Variants in CADPS observed in about 807,000 individuals in gnomAD.
CADPS encodes calcium dependent secretion activator.
A neutral mutation model predicts 167.3 loss-of-function variants in CADPS; 57 were observed. The ratio of observed to expected loss-of-function variants is 0.34; its 90% CI spans 0.28 to 0.42. CADPS has a LOEUF of 0.42. Ranked by LOEUF, CADPS falls within the 20% of genes least tolerant of loss-of-function variation. CADPS has a pLI of 1.00. For synonymous variants in CADPS, 676 were observed against 635.3 expected, an observed-to-expected ratio of 1.06 and a Z score of -0.96; for missense variants, 1,414 against 1,738.1, an observed-to-expected ratio of 0.81 and a Z score of 3.32.
chr3:62,478,320 C>T lies in CADPS; in HGVS notation c.3270G>A (p.Lys1090=). 1 of 1,613,904 alleles carries T rather than the reference C, an allele frequency of 6.2e-7. No individual in the cohort carries two copies. The highest frequency in any genetic ancestry group is 8.5e-7 in the Non-Finnish European group (1 of 1,179,826). ...TCAACTTCAGCCGTTGTTCCAGGTG[C>T]TTTCCAAACTCTTCTTCAGGCCAGT... is the stretch of plus-strand genomic sequence containing the variant. ...DLHWPEEEFG[K]HLEQRLKLMA... The change falls in exon 23 of 30, where the codon AAG becomes AAA. Residue 1090 remains lysine (K), a synonymous_variant. Transcript: ENST00000383710. This position sits in a 1 kb window ranked among gnomAD's most constrained non-coding sequence, Gnocchi z 5.7.
intron 3 of CADPS, among the ~76,000 whole-genome samples, chr3:62,723,567 CA>C (rs1183445987): frequency 1.3e-5 from 2 of 152,034 alleles, no homozygotes; most frequent in African/African-American, 2.4e-5. Flanking sequence ...AGATGTTTAT[CA>C]GGCTAAATAG....
chr3:62,441,182 T>C (rs1213133640), intron 27 of CADPS: 1 of 152,282 alleles, frequency 6.6e-6, no homozygotes, highest in African/African-American at 2.4e-5. Flanking sequence ...GACAAACTTT[T>C]AGATGTTTTT....
chr3:62,487,258 C>A (rs939602305), intron 21 of CADPS, among the ~76,000 whole-genome samples: 1 of 152,220 alleles, frequency 6.6e-6, no homozygotes, highest in Non-Finnish European at 1.5e-5. Context: ...CTTGGTAAGA[C>A]TTTGAATGAG....
Position 62,458,203 on chromosome 3 carries a change from A to T in CADPS, c.3636+7164T>A, listed in dbSNP as rs1466681840. Among the ~76,000 whole-genome samples, 1 of 152,186 alleles carries T rather than the reference A, an allele frequency of 6.6e-6. No homozygotes were observed. The highest frequency in any genetic ancestry group is 2.4e-5 in the African/African-American group (1 of 41,454). The stretch of plus-strand genomic sequence containing the variant: ...ACCTACTAACTATATACCAGGTGTT[A>T]TGAAAGGGCTACTGTTTATCTCTTA... On this transcript the variant is annotated intron_variant, in intron 26 of 29. Coordinates refer to ENST00000383710, the MANE Select transcript of CADPS (RefSeq NM_003716.4). This position sits in a 1 kb window ranked among gnomAD's most constrained non-coding sequence, Gnocchi z 4.6.
chr3:62,443,276 A>T (rs1033593936), intron 27 of CADPS, among the ~76,000 whole-genome samples: 4 of 152,232 alleles, frequency 2.6e-5, no homozygotes, highest in Non-Finnish European at 4.4e-5. Flanking sequence ...TATTGTGAAG[A>T]TAAAATGTAA....
intron 1 of CADPS, among the ~76,000 whole-genome samples, chr3:62,857,835 A>C (rs1291934211): frequency 3.3e-5 from 5 of 152,052 alleles, no homozygotes; most frequent in Non-Finnish European, 7.4e-5. Flanking sequence ...TTAATATTTT[A>C]ATGAATTCAT....
chr3:62,530,856 C>G (rs1391339088), intron 13 of CADPS: 2 of 1,110,004 alleles, frequency 1.8e-6, no homozygotes, highest in Non-Finnish European at 1.1e-6. Flanking sequence ...CAGAGTGTGG[C>G]CAGCCATAGG....
chr3:62,595,902 C>A (rs986234660), intron 6 of CADPS, among the ~76,000 whole-genome samples: 4 of 152,056 alleles, frequency 2.6e-5, no homozygotes, highest in African/African-American at 9.7e-5. Context: ...ACTGGCTTAG[C>A]CTTCCAGCAG....
chr3:62,730,497 T>G (rs906513206), intron 3 of CADPS, among the ~76,000 whole-genome samples: 1 of 152,178 alleles, frequency 6.6e-6, no homozygotes, highest in Non-Finnish European at 1.5e-5. Context: ...GTTTGGATAA[T>G]ATAGCTGGAG....
intron 6 of CADPS, among the ~76,000 whole-genome samples, chr3:62,599,841 TATATATATATAATATATATA>T (rs2059648057): frequency 5.5e-4 from 1 of 1,828 alleles, no homozygotes; most frequent in African/African-American, 7.2e-4. Flanking sequence ...TATAATATAT[TATATATATATAATATATATA>T]ATATATAATA....
At chr3:62,867,381 A>G (rs909102504) in intron 1 of CADPS, among the ~76,000 whole-genome samples, 1 of 152,028 alleles carries the variant, frequency 6.6e-6, no homozygotes. Flanking sequence ...TCCCATGTAC[A>G]TGTGCTTGGC....
At chr3:62,834,142 C>T (rs1318606927) in intron 1 of CADPS, among the ~76,000 whole-genome samples, 2 of 152,158 alleles carry the variant, frequency 1.3e-5, no homozygotes, top group African/African-American at 2.4e-5. Flanking sequence ...TTGAGAACTC[C>T]TCAGTGAAGT....
chr3:62,565,901 C>G (rs893785585), intron 9 of CADPS, among the ~76,000 whole-genome samples: 1 of 152,156 alleles, frequency 6.6e-6, no homozygotes, highest in Admixed American at 6.5e-5. Context: ...ACGTTATAAG[C>G]AAAAAAGTAG....
intron 5 of CADPS, among the ~76,000 whole-genome samples, chr3:62,648,462 G>A (rs1441059858): frequency 6.6e-6 from 1 of 151,790 alleles, no homozygotes; most frequent in Non-Finnish European, 1.5e-5. Flanking sequence ...TGGATAGATG[G>A]CATGAGTCCA....
At chr3:62,835,202 A>G (rs944521605) in intron 1 of CADPS, among the ~76,000 whole-genome samples, 4 of 152,190 alleles carry the variant, frequency 2.6e-5, no homozygotes, top group African/African-American at 7.2e-5. Flanking sequence ...ATGAAGATGT[A>G]TAAGATAAAA....
chr3:62,734,502 A>T (rs957363938), intron 3 of CADPS, among the ~76,000 whole-genome samples: 2 of 152,058 alleles, frequency 1.3e-5, no homozygotes, highest in African/African-American at 4.8e-5. Context: ...TCTGATTTCT[A>T]TTGCCATAGA....
intron 7 of CADPS, among the ~76,000 whole-genome samples, chr3:62,591,921 T>C (rs182815421): frequency 2.0e-5 from 3 of 152,318 alleles, no homozygotes; most frequent in African/African-American, 4.8e-5. Flanking sequence ...AATATTCCCA[T>C]GGGATATTGG....
intron 1 of CADPS, among the ~76,000 whole-genome samples, chr3:62,790,873 TTC>T (rs1395113357): frequency 5.9e-5 from 9 of 152,144 alleles, no homozygotes; most frequent in Admixed American, 5.9e-4. Context: ...CTCATATATT[TTC>T]TGAGTCTAAT....
intron 3 of CADPS, among the ~76,000 whole-genome samples, chr3:62,720,874 A>G (rs188734282): frequency 2.1e-5 from 3 of 143,294 alleles, no homozygotes; most frequent in East Asian, 4.1e-4. Flanking sequence ...CTGGAGTGCC[A>G]TGGTGCGATC....
Sources: allele counts gnomAD v4.1 joint callset (sites outside exome capture counted in the v4.1 genomes callset), GRCh38; gene constraint gnomAD v4.1.1; non-coding constraint Gnocchi (gnomAD v3.1); transcripts MANE v1.5; gene names NCBI Gene and HGNC (gene_info 2026-07-23, HGNC 2026-07-21).